The following RAVER2 variants were observed in gnomAD, a reference collection of about 807,000 sequenced individuals.
RAVER2 encodes the protein ribonucleoprotein, PTB binding 2.
RAVER2 carries 46 observed loss-of-function variants against 78.1 expected under a neutral mutation model. The observed-to-expected ratio is 0.59, with a 90% CI of 0.46 to 0.75. RAVER2 has a LOEUF of 0.75. Among genes scored for constraint, RAVER2 ranks in the 30% least tolerant of loss-of-function variants. RAVER2 has a pLI of 0.00. For missense variants in RAVER2, 793 were observed against 837.5 expected, an observed-to-expected ratio of 0.95 and a Z score of 0.66; for synonymous variants, 311 against 313.3, an observed-to-expected ratio of 0.99 and a Z score of 0.08.
At chr1:64,755,734 T>TG (rs934400928) in intron 1 of RAVER2, among the ~76,000 whole-genome samples, 6 of 142,236 alleles carry the variant, frequency 4.2e-5, no homozygotes, top group Non-Finnish European at 7.7e-5. Flanking sequence ...GTTTTTTTTT[T>TG]TTTTTTTTTT....
intron 11 of RAVER2, among the ~76,000 whole-genome samples, chr1:64,819,955 T>C (rs376108266): frequency 3.9e-5 from 6 of 152,236 alleles, no homozygotes; most frequent in Admixed American, 3.3e-4. Context: ...TGCAGGTGAC[T>C]AAAAAAGACT....
intron 11 of RAVER2, among the ~76,000 whole-genome samples, chr1:64,827,991 C>T (rs1262830290): frequency 6.6e-6 from 1 of 152,156 alleles, no homozygotes; most frequent in East Asian, 1.9e-4. Flanking sequence ...CTGCCAGCTG[C>T]TACCATCACA....
At chr1:64,812,205 T>TA (rs1457111767) in intron 9 of RAVER2, among the ~76,000 whole-genome samples, 3 of 151,256 alleles carry the variant, frequency 2.0e-5, no homozygotes, top group African/African-American at 7.3e-5. Context: ...ACTAAAAATA[T>TA]AAAAAAATTA....
intron 5 of RAVER2, among the ~76,000 whole-genome samples, chr1:64,798,021 C>T (rs1348175208): frequency 7.3e-5 from 11 of 150,122 alleles, no homozygotes; most frequent in African/African-American, 2.7e-4. Context: ...GTGCTGCAGC[C>T]ACTAACTCGT....
intron 11 of RAVER2, among the ~76,000 whole-genome samples, chr1:64,828,827 CCT>C (rs1293407340): frequency 6.6e-6 from 1 of 152,140 alleles, no homozygotes; most frequent in Non-Finnish European, 1.5e-5. Context: ...CACTTTTCCC[CCT>C]CTTCTCCTCA....
At chr1:64,788,624 C>T (rs965281562) in intron 4 of RAVER2, among the ~76,000 whole-genome samples, 3 of 151,846 alleles carry the variant, frequency 2.0e-5, no homozygotes, top group Non-Finnish European at 2.9e-5. Context: ...AACCCCGTCT[C>T]CACTAAAAAT....
intron 1 of RAVER2, among the ~76,000 whole-genome samples, chr1:64,764,842 A>G (rs1226443047): frequency 6.6e-6 from 1 of 152,180 alleles, no homozygotes; most frequent in African/African-American, 2.4e-5. Flanking sequence ...AACTGATTGG[A>G]TGAAGTCCTC....
chr1:64,748,169 A>G (rs1275409051), intron 1 of RAVER2, among the ~76,000 whole-genome samples: 1 of 152,192 alleles, frequency 6.6e-6, no homozygotes, highest in Non-Finnish European at 1.5e-5. Flanking sequence ...ACACCTTTAT[A>G]TTAAGTTCTC....
chr1:64,772,321 C>G (rs2100827513), intron 2 of RAVER2, among the ~76,000 whole-genome samples: 1 of 152,074 alleles, frequency 6.6e-6, no homozygotes, highest in East Asian at 1.9e-4. Context: ...TCCATAAAAC[C>G]TAAGTTGAGC....
intron 9 of RAVER2, among the ~76,000 whole-genome samples, chr1:64,809,518 A>AAATAAATCAATC (rs1391430767): frequency 6.6e-6 from 1 of 151,526 alleles, no homozygotes; most frequent in African/African-American, 2.4e-5. Context: ...ATAAATAAAT[A>AAATAAATCAATC]AATAAAAGAG....
At chr1:64,807,172 A>C in intron 8 of RAVER2, 34 bp from the exon 9 acceptor site, 2 of 1,584,426 alleles carry the variant, frequency 1.3e-6, no homozygotes, top group Non-Finnish European at 1.7e-6. Context: ...ATATTTTCTA[A>C]CTAAAAGCTT....
chr1:64,830,504 C>T (rs1255470061), intron 11 of RAVER2, among the ~76,000 whole-genome samples: 2 of 152,140 alleles, frequency 1.3e-5, no homozygotes, highest in South Asian at 2.1e-4. Flanking sequence ...TACTGACATT[C>T]GGTGTTGATA....
intron 2 of RAVER2, among the ~76,000 whole-genome samples, chr1:64,771,146 C>T (rs2100825946): frequency 6.6e-6 from 1 of 152,004 alleles, no homozygotes; most frequent in Non-Finnish European, 1.5e-5. Flanking sequence ...GATAGAATGT[C>T]TTAAAAGCAG....
intron 11 of RAVER2, among the ~76,000 whole-genome samples, chr1:64,818,453 G>A (rs1001996637): frequency 6.6e-5 from 10 of 152,088 alleles, no homozygotes; most frequent in African/African-American, 2.2e-4. Context: ...GGAGAATGGC[G>A]TGAACCCAGG....
intron 6 of RAVER2, among the ~76,000 whole-genome samples, chr1:64,804,204 A>C (rs1330646034): frequency 6.6e-6 from 1 of 152,162 alleles, no homozygotes; most frequent in African/African-American, 2.4e-5. Context: ...TAGTTCCTCC[A>C]AGAAACCTTC....
chr1:64,805,194 G>C, intron 8 of RAVER2, 89 bp downstream of exon 8: 1 of 1,230,034 alleles, frequency 8.1e-7, no homozygotes, highest in Non-Finnish European at 1.1e-6. Flanking sequence ...TTATTTACAG[G>C]GAGGTCAAAT....
chr1:64,831,760 T>C (rs956320737), exon 12 of RAVER2: 1 of 152,132 alleles, frequency 6.6e-6, no homozygotes, highest in Non-Finnish European at 1.5e-5. Context: ...TTTTAAATGG[T>C]TGGAGGAAAA....
intron 5 of RAVER2, among the ~76,000 whole-genome samples, chr1:64,800,234 T>C (rs562133527): frequency 5.3e-5 from 8 of 152,266 alleles, no homozygotes; most frequent in African/African-American, 1.9e-4. Context: ...ATTCTACAAG[T>C]TGTACGTGTT....
intron 5 of RAVER2, among the ~76,000 whole-genome samples, chr1:64,799,408 G>A (rs1653196026): frequency 6.6e-6 from 1 of 152,038 alleles, no homozygotes; most frequent in Non-Finnish European, 1.5e-5. Context: ...TTCAAGATAT[G>A]GATTTCCTTT....
Sources: gnomAD v4.1 joint callset for allele counts (sites outside exome capture counted in the v4.1 genomes callset) on GRCh38, gnomAD v4.1.1 for gene constraint, MANE v1.5 for transcripts, NCBI Gene and HGNC (gene_info 2026-07-23, HGNC 2026-07-21) for gene names.